TPRG1: variants seen among roughly 807,000 people sequenced by gnomAD.
TPRG1 encodes the protein tumor protein p63-regulated gene 1 protein.
A neutral mutation model predicts 29.3 loss-of-function variants in TPRG1; 29 were observed. The ratio of observed to expected loss-of-function variants is 0.99; its 90% CI spans 0.74 to 1.35. The LOEUF (loss-of-function observed/expected upper bound fraction) is 1.35. Among genes scored for constraint, TPRG1 ranks in the 40% most tolerant of loss-of-function variants. The pLI, the probability that TPRG1 is intolerant of heterozygous loss-of-function variation, is 0.00. For missense variants in TPRG1, 327 were observed against 335.0 expected, an observed-to-expected ratio of 0.98 and a Z score of 0.19; for synonymous variants, 130 against 116.8, an observed-to-expected ratio of 1.11 and a Z score of -0.73.
intron 2 of TPRG1, among the ~76,000 whole-genome samples, chr3:189,131,844 A>T (rs184003079): frequency 9.8e-5 from 15 of 152,334 alleles, no homozygotes; most frequent in Non-Finnish European, 1.9e-4. Flanking sequence ...GCCACAGTAT[A>T]ACTCAGGAGA....
At chr3:189,287,790 G>T (rs1206823974) in intron 4 of TPRG1, among the ~76,000 whole-genome samples, 1 of 151,982 alleles carries the variant, frequency 6.6e-6, no homozygotes, top group African/African-American at 2.4e-5. Flanking sequence ...TCAATAAAAA[G>T]GCCATTCTTT....
rs372535996 is a variant in TPRG1, at chr3:189,017,165, CT to C, written c.-659-6584del. Reference sequence around the variant, plus strand: ...ATTTTTTTTTTCTAATCTTGTCTGCCTGTCTTATTTCAGAAAGACAGTCTTT... The same window carrying C: ...ATTTTTTTTTTCTAATCTTGTCTGCCGTCTTATTTCAGAAAGACAGTCTTT... On this transcript the variant is annotated intron_variant, in intron 3 of 10. Coordinates refer to the TPRG1 transcript ENST00000433971. Among the ~76,000 whole-genome samples the C allele has an allele frequency of 3.6e-3, 548 of 150,634 alleles. 4 individuals are homozygous for C. The Middle Eastern group carries it at 0.042, about 11-fold the overall frequency.
At chr3:189,112,099 C>T (rs986120477) in intron 1 of TPRG1, among the ~76,000 whole-genome samples, 18 of 152,078 alleles carry the variant, frequency 1.2e-4, no homozygotes, top group African/African-American at 3.1e-4. Context: ...TGATGAATTA[C>T]GCTAACTGAT....
intron 2 of TPRG1, among the ~76,000 whole-genome samples, chr3:189,212,943 T>TA (rs1385797560): frequency 5.3e-5 from 8 of 152,214 alleles, no homozygotes; most frequent in Non-Finnish European, 8.8e-5. Context: ...TTGCTTTGAC[T>TA]AAAACTATTC....
At chr3:189,121,737 G>T (rs757916460) in intron 1 of TPRG1, 4 of 152,184 alleles carry the variant, frequency 2.6e-5, no homozygotes, top group Non-Finnish European at 5.9e-5. Flanking sequence ...CTTGGACTTA[G>T]GAAGCGAGAG....
chr3:189,237,558 G>A (rs771904904), intron 3 of TPRG1, among the ~76,000 whole-genome samples: 6 of 152,234 alleles, frequency 3.9e-5, no homozygotes, highest in Admixed American at 2.0e-4. Context: ...TTTGAATGAG[G>A]CATTTGAACC....
intron 4 of TPRG1, among the ~76,000 whole-genome samples, chr3:189,299,357 C>T (rs961615828): frequency 2.6e-5 from 4 of 152,074 alleles, no homozygotes; most frequent in South Asian, 2.1e-4. Flanking sequence ...CCAGCATCTG[C>T]GGCAAAACAC....
At chr3:189,210,745 C>T (rs889933797) in intron 2 of TPRG1, among the ~76,000 whole-genome samples, 2 of 152,142 alleles carry the variant, frequency 1.3e-5, no homozygotes, top group African/African-American at 2.4e-5. Context: ...CTCAATGTCA[C>T]GGTAGATAGT....
chr3:189,097,633 G>T (rs978220986), upstream of TPRG1, among the ~76,000 whole-genome samples: 1 of 152,150 alleles, frequency 6.6e-6, no homozygotes, highest in Non-Finnish European at 1.5e-5. Context: ...AAATTAAAGA[G>T]AAATTTACTT....
At chr3:189,021,075 A>C (rs1489733368) in intron 3 of TPRG1, among the ~76,000 whole-genome samples, 1 of 144,586 alleles carries the variant, frequency 6.9e-6, no homozygotes, top group Non-Finnish European at 1.5e-5. Context: ...TTTGTTTTCC[A>C]TTTGCTTGGT....
intron 4 of TPRG1, among the ~76,000 whole-genome samples, chr3:189,065,993 T>C (rs531213437): frequency 8.5e-5 from 13 of 152,286 alleles, no homozygotes; most frequent in African/African-American, 3.1e-4. Flanking sequence ...AAATTGGACA[T>C]TGCAGCTGAT....
chr3:189,053,237 T>C (rs569930167), intron 4 of TPRG1, among the ~76,000 whole-genome samples: 2 of 152,196 alleles, frequency 1.3e-5, no homozygotes, highest in African/African-American at 4.8e-5. Context: ...AACCAACTTA[T>C]ACTAGCTTCC....
intron 1 of TPRG1, among the ~76,000 whole-genome samples, chr3:189,200,682 A>G (rs1420148620): frequency 6.6e-6 from 1 of 152,200 alleles, no homozygotes; most frequent in Admixed American, 6.5e-5. Flanking sequence ...ATACTGTTCT[A>G]GAGACAAGAT....
chr3:189,155,933 T>C (rs575019047), intron 5 of TPRG1, among the ~76,000 whole-genome samples: 6 of 152,338 alleles, frequency 3.9e-5, no homozygotes, highest in Admixed American at 3.3e-4. Flanking sequence ...CTATAGTTAA[T>C]AATACTGTAT....
chr3:189,001,495 T>C (rs991377440), intron 2 of TPRG1, among the ~76,000 whole-genome samples: 2 of 152,144 alleles, frequency 1.3e-5, no homozygotes, highest in African/African-American at 4.8e-5. Flanking sequence ...GTTCACTTGG[T>C]TGGAAGGGCA....
Position 189,322,672 on chromosome 3 carries a change from T to G in TPRG1, c.*1852T>G, listed in dbSNP as rs1724419460. On this transcript the variant is annotated 3_prime_UTR_variant, in exon 6 of 6. Transcript: ENST00000345063. ...GAAGCCTCTGAAATGTCCAGCACAT[T>G]CTTTTGAGTTACCATTTAAGGATCA... 6.6e-6 allele frequency: 1 copy of G among 152,570 alleles called. No individual in the cohort carries two copies. Among genetic ancestry groups the G allele is most frequent in the Admixed American group, 6.6e-5 (1 of 15,242 alleles). 9.5% of individuals were successfully genotyped at this position (152,570 alleles called of 1,614,324 possible).
intron 3 of TPRG1, among the ~76,000 whole-genome samples, chr3:189,136,584 T>A (rs1723771861): frequency 6.6e-6 from 1 of 152,196 alleles, no homozygotes; most frequent in Non-Finnish European, 1.5e-5. Flanking sequence ...CTCTGCTAAC[T>A]GGACAACAAA....
chr3:189,013,560 G>A (rs1202513649), intron 3 of TPRG1, among the ~76,000 whole-genome samples: 1 of 152,098 alleles, frequency 6.6e-6, no homozygotes, highest in Non-Finnish European at 1.5e-5. Context: ...GCTGAGTTCA[G>A]GTCCTGAAAA....
intron 4 of TPRG1, among the ~76,000 whole-genome samples, chr3:189,309,221 AG>A (rs1002485276): frequency 4.6e-5 from 7 of 152,146 alleles, no homozygotes; most frequent in African/African-American, 1.7e-4. Flanking sequence ...AGAAAAGTTC[AG>A]GTATTAACCA....
Sources: allele counts gnomAD v4.1 joint callset (sites outside exome capture counted in the v4.1 genomes callset), GRCh38; gene constraint gnomAD v4.1.1; transcripts MANE v1.5; gene names NCBI Gene and HGNC (gene_info 2026-07-23, HGNC 2026-07-21).